The following NWD2 variants were observed in gnomAD, a reference collection of about 807,000 sequenced individuals.
The protein encoded by NWD2 is NACHT and WD repeat domain containing 2, also known as NACHT and WD repeat domain-containing protein 2.
A neutral mutation model predicts 132.7 loss-of-function variants in NWD2; 37 were observed. That is an observed-to-expected ratio of 0.28 (90% CI 0.21 to 0.37). NWD2 has a LOEUF of 0.37. NWD2 is among the 10% of genes least tolerant of loss of function. The pLI, the probability that NWD2 is intolerant of heterozygous loss-of-function variation, is 1.00. For missense variants in NWD2, 1,592 were observed against 2,122.4 expected (o/e 0.75, Z 4.91); for synonymous variants, 705 against 803.0 (o/e 0.88, Z 2.06).
At chr4:37,291,576 G>T (rs955119533) in intron 1 of NWD2, among the ~76,000 whole-genome samples, 4 of 152,082 alleles carry the variant, frequency 2.6e-5, no homozygotes, top group African/African-American at 9.7e-5. Flanking sequence ...CTTTGGGAAA[G>T]AGTAAAGTGA....
rs565963301 is a variant in NWD2 at position 37,252,664 on chromosome 4, C to T, written c.151+7446C>T. ...TAGACTTGGCTGGGCTGGAAGGTCC[C>T]AGCAGGCTTCATTTACATGTCTGGC... On this transcript the variant is annotated intron_variant, in intron 1 of 6. Coordinates refer to ENST00000309447, the MANE Select transcript of NWD2 (RefSeq NM_001144990.2). 1.1e-4 allele frequency among the ~76,000 whole-genome samples: 16 copies of T among 152,294 alleles called. No individual in the cohort carries two copies. In the South Asian group the frequency reaches 3.1e-3, roughly 30 times the overall value.
At chr4:37,406,481 G>A (rs1206983073) in intron 3 of NWD2, among the ~76,000 whole-genome samples, 2 of 152,126 alleles carry the variant, frequency 1.3e-5, no homozygotes, top group African/African-American at 2.4e-5. Flanking sequence ...GTACTATAAA[G>A]ACAGGCACAT....
intron 3 of NWD2, among the ~76,000 whole-genome samples, chr4:37,357,260 T>C (rs961776516): frequency 3.3e-5 from 5 of 152,126 alleles, no homozygotes; most frequent in Non-Finnish European, 7.4e-5. Flanking sequence ...AGTGTTAAAA[T>C]TACCAGTGAG....
At chr4:37,390,015 C>T (rs1033635807) in intron 3 of NWD2, among the ~76,000 whole-genome samples, 4 of 152,204 alleles carry the variant, frequency 2.6e-5, no homozygotes, top group Non-Finnish European at 5.9e-5. Flanking sequence ...GTCTCAAACT[C>T]TTGACCTCAG....
At chr4:37,406,237 A>G (rs1721000197) in intron 3 of NWD2, among the ~76,000 whole-genome samples, 2 of 152,214 alleles carry the variant, frequency 1.3e-5, no homozygotes, top group Non-Finnish European at 2.9e-5. Flanking sequence ...AAAGGAAAGA[A>G]TGGATCTAGA....
At chr4:37,272,608 C>T (rs1717894729) in intron 1 of NWD2, among the ~76,000 whole-genome samples, 1 of 151,666 alleles carries the variant, frequency 6.6e-6, no homozygotes, top group South Asian at 2.1e-4. Flanking sequence ...TATAGGATGC[C>T]TAGTGGCATG....
intron 1 of NWD2, among the ~76,000 whole-genome samples, chr4:37,283,600 A>G (rs899737728): frequency 6.6e-6 from 1 of 152,202 alleles, no homozygotes; most frequent in Non-Finnish European, 1.5e-5. Context: ...AACTCTTAAC[A>G]GGGTAAGACC....
intron 3 of NWD2, among the ~76,000 whole-genome samples, chr4:37,421,945 C>T (rs777299466): frequency 9.2e-5 from 14 of 152,320 alleles, no homozygotes; most frequent in African/African-American, 2.9e-4. Flanking sequence ...TAAGGACCAT[C>T]TTCTCGCTGT....
At chr4:37,435,483 C>A (rs1176666533) in intron 5 of NWD2, among the ~76,000 whole-genome samples, 3 of 152,192 alleles carry the variant, frequency 2.0e-5, no homozygotes, top group Non-Finnish European at 4.4e-5. Flanking sequence ...CAGGGTATAT[C>A]CTTGTTCCTT....
At position 37,378,840 on chromosome 4, in the gene NWD2, A is replaced by C. The variant is rs555199916; in HGVS notation, c.357+22358A>C. On this transcript the variant is annotated intron_variant, in intron 3 of 6. Coordinates refer to ENST00000309447, the MANE Select transcript of NWD2 (RefSeq NM_001144990.2). ...GTTTAAAGAATTAGGCTTTTTGCTG[A>C]AATTCACAAGGATTTATTTGTTGTT... Among the ~76,000 whole-genome samples the C allele has an allele frequency of 7.7e-4, 117 of 152,336 alleles. 1 individual carries two copies. In the South Asian group the frequency reaches 0.015, roughly 20 times the overall value.
Position 37,270,224 on chromosome 4 carries a change from C to T in NWD2, c.151+25006C>T, listed in dbSNP as rs575287559. Among the ~76,000 whole-genome samples the T allele has an allele frequency of 2.0e-5, 3 of 151,810 alleles. No homozygotes were observed. In the South Asian group the frequency reaches 6.2e-4, roughly 32 times the overall value. On this transcript the variant is annotated intron_variant, in intron 1 of 6. Coordinates refer to ENST00000309447, the MANE Select transcript of NWD2 (RefSeq NM_001144990.2). ...CAACTTGAATAAGGTTAACCATGCT[C>T]ATATCAGGAATAGTTATTAGCGTAA... is the stretch of plus-strand genomic sequence containing the variant.
At chr4:37,258,555 A>G (rs1030781) in intron 1 of NWD2, among the ~76,000 whole-genome samples, 54,362 of 152,108 alleles carry the variant, frequency 0.36, 10,699 homozygotes, top group South Asian at 0.46. Context: ...GAAGGCCCAG[A>G]CATCCAGGAG....
intron 3 of NWD2, among the ~76,000 whole-genome samples, chr4:37,389,129 A>T (rs181765783): frequency 2.6e-5 from 4 of 152,214 alleles, no homozygotes; most frequent in Admixed American, 2.6e-4. Context: ...GAAGCAAAGG[A>T]GTTAGCAATG....
intron 6 of NWD2, among the ~76,000 whole-genome samples, chr4:37,440,642 T>A (rs1712456583): frequency 6.6e-6 from 1 of 152,150 alleles, no homozygotes; most frequent in African/African-American, 2.4e-5. Context: ...CCCCACCATT[T>A]TTCCCTGCCT....
chr4:37,356,161 A>G (rs1719867731), intron 2 of NWD2, among the ~76,000 whole-genome samples: 1 of 152,202 alleles, frequency 6.6e-6, no homozygotes, highest in Admixed American at 6.5e-5. Flanking sequence ...CAGCAGTATA[A>G]TCAGAAACAA....
chr4:37,364,615 A>G (rs773299245), intron 3 of NWD2, among the ~76,000 whole-genome samples: 6 of 152,072 alleles, frequency 3.9e-5, no homozygotes, highest in Non-Finnish European at 7.4e-5. Flanking sequence ...AAGAAGCAGC[A>G]GAGACCAAAA....
chr4:37,295,381 A>G, intron 1 of NWD2, among the ~76,000 whole-genome samples: 1 of 152,200 alleles, frequency 6.6e-6, no homozygotes, highest in East Asian at 1.9e-4. Context: ...CTGTGTGGAA[A>G]TATCTTACAG....
chr4:37,343,315 G>C (rs776243030), intron 2 of NWD2, among the ~76,000 whole-genome samples: 3 of 152,124 alleles, frequency 2.0e-5, no homozygotes, highest in Non-Finnish European at 2.9e-5. Context: ...CAATCTTCTT[G>C]CTGTTCAAAG....
intron 2 of NWD2, among the ~76,000 whole-genome samples, chr4:37,347,126 A>AT (rs1177280505): frequency 2.0e-5 from 3 of 151,970 alleles, no homozygotes; most frequent in African/African-American, 4.8e-5. Flanking sequence ...AATTTCCTAA[A>AT]TTTTTTTGTA....
Sources: gnomAD v4.1 joint callset for allele counts (sites outside exome capture counted in the v4.1 genomes callset) on GRCh38, gnomAD v4.1.1 for gene constraint, MANE v1.5 for transcripts, NCBI Gene and HGNC (gene_info 2026-07-23, HGNC 2026-07-21) for gene names.